The following DNAH14 variants were observed in gnomAD, a reference collection of about 807,000 sequenced individuals.
The protein encoded by DNAH14 is dynein axonemal heavy chain 14, also known as axonemal beta dynein heavy chain 14.
In DNAH14, 478 loss-of-function variants were observed where a neutral mutation model predicts 520.9. That is an observed-to-expected ratio of 0.92 (90% CI 0.85 to 0.99). The LOEUF is 0.99. Among genes scored for constraint, DNAH14 ranks in the 50% least tolerant of loss-of-function variants. DNAH14 has a pLI of 0.00. For synonymous variants in DNAH14, 1,581 were observed against 1,757.2 expected (o/e 0.90, Z 2.51); for missense variants, 4,831 against 5,234.5 (o/e 0.92, Z 2.38).
chr1:225,395,448 C>T (rs540162058), intron 84 of DNAH14, among the ~76,000 whole-genome samples: 6 of 152,208 alleles, frequency 3.9e-5, no homozygotes, highest in East Asian at 1.9e-4. Flanking sequence ...AAAAATTAGC[C>T]GGGCGTAGTG....
At chr1:225,231,485 G>T (rs541388324) in intron 42 of DNAH14, among the ~76,000 whole-genome samples, 3 of 152,164 alleles carry the variant, frequency 2.0e-5, no homozygotes, top group African/African-American at 7.2e-5. Flanking sequence ...ATGTTTTTAA[G>T]CTTTAATTTT....
rs553712891 is a variant in DNAH14, at chr1:224,950,142, C to T, written c.-33-2528C>T. ...AATACTCATATTTAGATTTTATTTA[C>T]TATCTCAATATAAGTATAGAAATAA... is the stretch of plus-strand genomic sequence containing the variant. On this transcript the variant is annotated intron_variant, in intron 1 of 85. Coordinates refer to ENST00000682510, the MANE Select transcript of DNAH14 (RefSeq NM_001367479.1). Among the ~76,000 whole-genome samples, 4 of 152,134 alleles carry T rather than the reference C, an allele frequency of 2.6e-5. No individual in the cohort carries two copies. The South Asian group carries it at 8.3e-4, about 32-fold the overall frequency.
At chr1:225,029,426 T>C (rs957064179) in intron 11 of DNAH14, among the ~76,000 whole-genome samples, 9 of 152,054 alleles carry the variant, frequency 5.9e-5, no homozygotes, top group Non-Finnish European at 1.2e-4. Context: ...TTACTGGATA[T>C]AAATTATACC....
intron 41 of DNAH14, among the ~76,000 whole-genome samples, chr1:225,226,974 G>A (rs984331457): frequency 6.6e-6 from 1 of 152,162 alleles, no homozygotes; most frequent in African/African-American, 2.4e-5. Context: ...ATGCAGTAAA[G>A]AGCAGTATTT....
chr1:225,085,682 T>G lies in DNAH14; in HGVS notation c.3466T>G (p.Tyr1156Asp). ...TTTAATTCTTCACCACACAGAGATT[T>G]ACTCTATCTTCATAATTCCATCTAT... is the stretch of plus-strand genomic sequence containing the variant. ...LPLILHHTEIYSIFIIPSIDD... is the reference protein window; with the variant it reads ...LPLILHHTEIDSIFIIPSIDD... Residue 1156 changes from tyrosine (Y) to aspartate (D), a missense_variant, in exon 21 of 86, where the codon TAC becomes GAC. By Grantham distance (160) the Tyr-to-Asp change is radical. Transcript: ENST00000682510. 1 of 1,551,416 alleles carries G rather than the reference T, an allele frequency of 6.4e-7. No individual in the cohort carries two copies. Among genetic ancestry groups the G allele is most frequent in the Non-Finnish European group, 8.7e-7 (1 of 1,146,798 alleles).
intron 84 of DNAH14, chr1:225,396,935 T>C (rs1010357152): frequency 6.6e-6 from 1 of 152,120 alleles, no homozygotes; most frequent in African/African-American, 2.4e-5. Context: ...AAATGCAGTA[T>C]AGGAAAATTT....
chr1:224,935,571 A>T (rs1380727168), intron 1 of DNAH14, among the ~76,000 whole-genome samples: 2 of 151,924 alleles, frequency 1.3e-5, no homozygotes, highest in African/African-American at 4.8e-5. Flanking sequence ...ACCCATATTA[A>T]TAAAGCAAAT....
At chr1:225,153,703 T>C (rs1347457044) in intron 33 of DNAH14, 47 bp from the exon 34 acceptor site, 3 of 1,377,526 alleles carry the variant, frequency 2.2e-6, no homozygotes, top group Non-Finnish European at 3.0e-6. Context: ...GTTTTCATAT[T>C]TTTTCTTTAG....
At chr1:225,102,523 C>T (rs906125411) in intron 23 of DNAH14, among the ~76,000 whole-genome samples, 37 of 152,272 alleles carry the variant, frequency 2.4e-4, no homozygotes, top group Admixed American at 3.9e-4. Flanking sequence ...TAAAAGTGTT[C>T]CTATTTCTCC....
At chr1:225,083,105 G>A (rs944206652) in intron 20 of DNAH14, among the ~76,000 whole-genome samples, 2 of 152,072 alleles carry the variant, frequency 1.3e-5, no homozygotes, top group Admixed American at 6.6e-5. Flanking sequence ...TTAAGAGCAT[G>A]TAAGAATTGC....
chr1:225,366,697 G>A (rs2095556870), intron 76 of DNAH14, among the ~76,000 whole-genome samples: 1 of 152,142 alleles, frequency 6.6e-6, no homozygotes, highest in Non-Finnish European at 1.5e-5. Flanking sequence ...GGGTGACAGA[G>A]TCAGAGAAGC....
At chr1:225,050,035 A>G (rs1287484019) in intron 15 of DNAH14, among the ~76,000 whole-genome samples, 175 bp from the exon 16 acceptor site, 1 of 152,156 alleles carries the variant, frequency 6.6e-6, no homozygotes, top group Non-Finnish European at 1.5e-5. Flanking sequence ...TTTCTATAGT[A>G]TTAAATCTAA....
chr1:225,134,285 G>A (rs2078755674), intron 27 of DNAH14, among the ~76,000 whole-genome samples: 2 of 152,056 alleles, frequency 1.3e-5, no homozygotes, highest in Admixed American at 6.6e-5. Context: ...GGTGAGAGAG[G>A]GCATCCTTGT....
At chr1:224,989,039 C>T (rs956404635) in intron 8 of DNAH14, among the ~76,000 whole-genome samples, 1 of 152,186 alleles carries the variant, frequency 6.6e-6, no homozygotes, top group African/African-American at 2.4e-5. Context: ...GACCTAATCA[C>T]TCTTAATAGT....
intron 20 of DNAH14, among the ~76,000 whole-genome samples, chr1:225,083,739 T>C (rs1000089004): frequency 2.0e-5 from 3 of 152,146 alleles, no homozygotes; most frequent in Non-Finnish European, 4.4e-5. Flanking sequence ...CTAACTGATA[T>C]ACATGCCCAA....
At chr1:224,967,730 G>T in intron 6 of DNAH14, 147 bp downstream of exon 6, 1 of 1,558,366 alleles carries the variant, frequency 6.4e-7, no homozygotes, top group South Asian at 1.3e-5. Context: ...CTCCTTGGGA[G>T]CATGTTATTT....
intron 34 of DNAH14, 121 bp from the exon 35 acceptor site, chr1:225,159,191 TGA>T: frequency 1.4e-6 from 1 of 729,068 alleles, no homozygotes; most frequent in East Asian, 2.8e-5. Flanking sequence ...TGCTATCCAG[TGA>T]GAGAGAGGAG....
chr1:225,304,095 A>T (rs1268478204), intron 57 of DNAH14, among the ~76,000 whole-genome samples: 2 of 152,178 alleles, frequency 1.3e-5, no homozygotes, highest in African/African-American at 4.8e-5. Flanking sequence ...GGACTAGGTT[A>T]TGTCTAAATC....
intron 34 of DNAH14, 23 bp downstream of exon 34, chr1:225,153,849 AG>A (rs752360543): frequency 1.3e-6 from 2 of 1,530,192 alleles, no homozygotes; most frequent in Non-Finnish European, 1.8e-6. Context: ...TTGAATTGTT[AG>A]GTCAAAGGGA....
Sources: allele counts gnomAD v4.1 joint callset (sites outside exome capture counted in the v4.1 genomes callset), GRCh38; gene constraint gnomAD v4.1.1; transcripts MANE v1.5; gene names NCBI Gene and HGNC (gene_info 2026-07-23, HGNC 2026-07-21).